Variants in EIF2S3 observed in about 807,000 individuals in gnomAD.
The protein encoded by EIF2S3 is eukaryotic translation initiation factor 2 subunit gamma, also known as eukaryotic translation initiation factor 2 subunit 3.
Under a neutral mutation model 31.7 loss-of-function variants are expected in EIF2S3, and 2 were observed. The ratio of observed to expected loss-of-function variants is 0.06; its 90% CI spans 0.03 to 0.20. The LOEUF (loss-of-function observed/expected upper bound fraction) is 0.20. Among genes scored for constraint, EIF2S3 ranks in the 10% least tolerant of loss-of-function variants. EIF2S3 has a pLI of 1.00. For missense variants in EIF2S3, 96 were observed against 359.3 expected, an observed-to-expected ratio of 0.27 and a Z score of 5.92; for synonymous variants, 120 against 126.7, an observed-to-expected ratio of 0.95 and a Z score of 0.36.
intron 9 of EIF2S3, 79 bp from the exon 10 acceptor site, chrX:24,071,479 T>TG: frequency 3.7e-6 from 4 of 1,068,475 alleles, no homozygotes; most frequent in Non-Finnish European, 5.0e-6. Context: ...TGTGAGCCAC[T>TG]GCACCTGGCC....
At chrX:24,066,210 ATT>A (rs1257541877) in intron 8 of EIF2S3, 118 bp downstream of exon 8, 9 of 482,480 alleles carry the variant, frequency 1.9e-5, no homozygotes, top group Non-Finnish European at 2.6e-5. Flanking sequence ...GAAAAATAAA[ATT>A]TTTTCCATGG....
chrX:24,063,546 G>A (rs931192208), intron 6 of EIF2S3, among the ~76,000 whole-genome samples: 4 of 111,574 alleles, frequency 3.6e-5, no homozygotes, highest in African/African-American at 1.3e-4. Context: ...TTAGGAGGCT[G>A]AGGCGGGTGG....
In EIF2S3 at chrX:24,078,260, A is replaced by G. The variant is rs1392320983; in HGVS notation, c.*1475A>G. ...AGGCTGGTCTTGAACTCCTAACCTC[A>G]GGTGATCCGCCCGCCTCTGCCTTCC... On this transcript the variant is annotated 3_prime_UTR_variant, in exon 12 of 12. Coordinates refer to ENST00000253039, the MANE Select transcript of EIF2S3 (RefSeq NM_001415.4). 9.0e-6 allele frequency among the ~76,000 whole-genome samples: 1 copy of G among 110,851 alleles called. No individual in the cohort carries two copies. Among genetic ancestry groups the G allele is most frequent in the Non-Finnish European group, 1.9e-5 (1 of 52,821 alleles).
chrX:24,076,881 G>T lies in EIF2S3; in HGVS notation c.*96G>T. ...ATTTTCAAAGCAATATTGGGGAATT[G>T]ATTTCACAGTTCGTTACCTTAGTAG... On this transcript the variant is annotated 3_prime_UTR_variant, in exon 12 of 12. Transcript: ENST00000253039. 17 of 542,327 alleles carry T rather than the reference G, an allele frequency of 3.1e-5. No homozygotes were observed. Among genetic ancestry groups the T allele is most frequent in the African/African-American group, 5.4e-5 (2 of 36,861 alleles). The allele number at this position is 542,327 out of a possible 1,213,427, so 44.7% of individuals were successfully genotyped here.
intron 7 of EIF2S3, among the ~76,000 whole-genome samples, 186 bp from the exon 8 acceptor site, chrX:24,065,812 G>C (rs927600851): frequency 9.9e-5 from 11 of 111,399 alleles, no homozygotes; most frequent in African/African-American, 3.6e-4. Context: ...ATAAACTTAA[G>C]TTACTTTCAT....
At chrX:24,060,835 C>G in intron 5 of EIF2S3, among the ~76,000 whole-genome samples, 1 of 101,427 alleles carries the variant, frequency 9.9e-6, no homozygotes. Flanking sequence ...GTGGCGCATG[C>G]TTGTAATCCC....
intron 10 of EIF2S3, among the ~76,000 whole-genome samples, chrX:24,072,725 A>G (rs889542897): frequency 3.6e-5 from 4 of 111,390 alleles, no homozygotes; most frequent in Admixed American, 9.6e-5. Flanking sequence ...TCGGCCTCCC[A>G]ATGTGCTGGG....
At chrX:24,064,148 A>G in intron 6 of EIF2S3, 53 bp from the exon 7 acceptor site, 1 of 1,022,318 alleles carries the variant, frequency 9.8e-7, no homozygotes, top group Non-Finnish European at 1.3e-6. Flanking sequence ...AGATACATAG[A>G]ATAAATTTTA....
At position 24,071,500 on chromosome X, in the gene EIF2S3, C is replaced by T. The variant is rs760410724; in HGVS notation, c.1013-58C>T. 6.0e-5 allele frequency: 68 copies of T among 1,138,297 alleles called. No homozygotes were observed. In the East Asian group the frequency reaches 1.9e-3, roughly 32 times the overall value. The allele number at this position is 1,138,297 out of a possible 1,213,427, so 93.8% of individuals were successfully genotyped here. A position where few individuals can be genotyped will look rare whatever the true frequency, so the allele number is the denominator to read the frequency against. ...CCACTGCACCTGGCCAACTAATTCA[C>T]TTTATAGGTGTTTTAGGAAATAAAA... On this transcript the variant is annotated intron_variant, in intron 9 of 11. Transcript: ENST00000253039.
At chrX:24,072,354 G>A (rs771038269) in intron 10 of EIF2S3, among the ~76,000 whole-genome samples, 5 of 111,322 alleles carry the variant, frequency 4.5e-5, no homozygotes, top group Non-Finnish European at 7.5e-5. Context: ...GTGCGATCTC[G>A]ACTCACAGCA....
At chrX:24,071,527 A>T (rs1451770272) in intron 9 of EIF2S3, 31 bp from the exon 10 acceptor site, 1 of 1,179,275 alleles carries the variant, frequency 8.5e-7, no homozygotes, top group Non-Finnish European at 1.1e-6. Context: ...GAAATAAAAA[A>T]TTGAGCTATA....
chrX:24,064,141 T>C, intron 6 of EIF2S3, 60 bp from the exon 7 acceptor site: 1 of 984,248 alleles, frequency 1.0e-6, no homozygotes, highest in Non-Finnish European at 1.3e-6. Context: ...ATGTAACAGA[T>C]ACATAGAATA....
chrX:24,056,428 A>G (rs1395207125), intron 2 of EIF2S3, among the ~76,000 whole-genome samples: 3 of 112,267 alleles, frequency 2.7e-5, no homozygotes, highest in African/African-American at 6.5e-5. Context: ...CTGTGCATAT[A>G]TTGACCCAAT....
chrX:24,063,140 G>C (rs1191763703), intron 6 of EIF2S3, among the ~76,000 whole-genome samples: 1 of 112,195 alleles, frequency 8.9e-6, no homozygotes, highest in East Asian at 2.8e-4. Context: ...CTACTTGGGA[G>C]GCTGAGGCAG....
chrX:24,069,274 C>T (rs1214302504), intron 9 of EIF2S3, among the ~76,000 whole-genome samples: 2 of 105,604 alleles, frequency 1.9e-5, no homozygotes, highest in East Asian at 3.0e-4. Flanking sequence ...CCCGGCTACT[C>T]GGGAGGCTGA....
At chrX:24,072,582 C>T (rs1018265839) in intron 10 of EIF2S3, among the ~76,000 whole-genome samples, 1 of 111,951 alleles carries the variant, frequency 8.9e-6, no homozygotes, top group African/African-American at 3.2e-5. Flanking sequence ...CTGCGCCCAG[C>T]TTCATGATTT....
At chrX:24,059,969 T>C (rs1259402828) in intron 4 of EIF2S3, 119 bp from the exon 5 acceptor site, 6 of 538,373 alleles carry the variant, frequency 1.1e-5, no homozygotes, top group Non-Finnish European at 1.8e-5. Flanking sequence ...CGACAAGCCC[T>C]GTAACCATTT....
intron 6 of EIF2S3, 87 bp from the exon 7 acceptor site, chrX:24,064,114 G>C: frequency 1.2e-6 from 1 of 829,210 alleles, no homozygotes; most frequent in Non-Finnish European, 1.6e-6. Flanking sequence ...TTTTATTATA[G>C]TAATCTTAAT....
rs754391635 is a variant in EIF2S3 at position 24,071,682 on chromosome X, A to G, written c.1137A>G (p.Arg379=). Residue 379 remains arginine (R), a synonymous_variant, in exon 10 of 12, where the codon AGA becomes AGG. Transcript: ENST00000253039. ...TELEISYFLL[R]RLLGVRTEGD... ...TGGAAATTTCCTATTTCCTGCTTAG[A>G]CGGCTTCTAGGTGTACGCACTGAAG... 5.0e-6 allele frequency: 6 copies of G among 1,211,195 alleles called. No homozygotes were observed. The highest frequency in any genetic ancestry group is 6.7e-6 in the Non-Finnish European group (6 of 895,419).
Sources: allele counts gnomAD v4.1 joint callset (sites outside exome capture counted in the v4.1 genomes callset), GRCh38; gene constraint gnomAD v4.1.1; transcripts MANE v1.5; gene names NCBI Gene and HGNC (gene_info 2026-07-23, HGNC 2026-07-21).